SLC24A2: variants seen among roughly 807,000 people sequenced by gnomAD.
SLC24A2 encodes the protein solute carrier family 24 member 2.
In SLC24A2, 36 loss-of-function variants were observed where a neutral mutation model predicts 62.0. The ratio of observed to expected loss-of-function variants is 0.58; its 90% confidence interval spans 0.44 to 0.77. The LOEUF is 0.77. Ranked by LOEUF, SLC24A2 falls within the 30% of genes least tolerant of loss-of-function variation. The probability of loss-of-function intolerance (pLI) is 0.00; values close to 1 mark genes in which losing one functional copy is unlikely to be tolerated. For synonymous variants in SLC24A2, 358 were observed against 294.0 expected (o/e 1.22, Z -2.23); for missense variants, 846 against 817.9 (o/e 1.03, Z -0.42).
chr9:19,837,787 G>C, the SLC24A2 span, among the ~76,000 whole-genome samples: 1 of 151,894 alleles, frequency 6.6e-6, no homozygotes, highest in Admixed American at 6.6e-5. Flanking sequence ...GACAAACAGA[G>C]AGCCAAATCA....
chr9:20,057,606 C>T, the SLC24A2 span, among the ~76,000 whole-genome samples: 3 of 152,214 alleles, frequency 2.0e-5, no homozygotes, highest in Middle Eastern at 3.4e-3. Context: ...CCTATCAAGC[C>T]GTTGGATGGA....
chr9:20,239,623 C>T, the SLC24A2 span, among the ~76,000 whole-genome samples: 1 of 152,298 alleles, frequency 6.6e-6, no homozygotes, highest in Non-Finnish European at 1.5e-5. Flanking sequence ...GAAAGGAGTA[C>T]ATGAGAAGAG....
Position 19,550,324 on chromosome 9 carries a change from CACA to C in SLC24A2, c.1348-59_1348-57del, listed in dbSNP as rs1307679686. 7.0e-6 allele frequency: 11 copies of C among 1,570,200 alleles called. No homozygotes were observed. In the African/African-American group the frequency reaches 1.1e-4, roughly 15 times the overall value. ...AACAAAAAAATAAAATGTACACAGG[CACA>C]ACAACAGGAGCACAGAACAAAGGGG... On this transcript the variant is annotated intron_variant, in intron 7 of 10. Transcript: ENST00000341998.
chr9:19,767,717 G>C (rs1184175466), intron 2 of SLC24A2, among the ~76,000 whole-genome samples: 1 of 152,310 alleles, frequency 6.6e-6, no homozygotes, highest in Middle Eastern at 3.4e-3. Context: ...TGGTCTTGCT[G>C]GGAACTGCAG....
intron 2 of SLC24A2, among the ~76,000 whole-genome samples, chr9:19,739,286 T>G (rs1384517617): frequency 6.6e-6 from 1 of 152,236 alleles, no homozygotes; most frequent in Non-Finnish European, 1.5e-5. Context: ...ACTCATTAAA[T>G]TATAGTTGAA....
At chr9:20,016,730 C>T in the SLC24A2 span, among the ~76,000 whole-genome samples, 8 of 152,254 alleles carry the variant, frequency 5.3e-5, no homozygotes, top group East Asian at 7.7e-4. Flanking sequence ...TACAACTACA[C>T]ACACACACAA....
the SLC24A2 span, among the ~76,000 whole-genome samples, chr9:19,974,574 G>C: frequency 2.0e-5 from 3 of 152,142 alleles, no homozygotes; most frequent in Non-Finnish European, 2.9e-5. Flanking sequence ...ATCCTAGGGG[G>C]TCTGAAGACC....
At chr9:19,594,259 T>C (rs992677055) in intron 5 of SLC24A2, among the ~76,000 whole-genome samples, 3 of 152,120 alleles carry the variant, frequency 2.0e-5, no homozygotes, top group Non-Finnish European at 4.4e-5. Context: ...CCCCCCAGTC[T>C]GTAAATTCCA....
chr9:20,007,955 G>T, the SLC24A2 span, among the ~76,000 whole-genome samples: 3 of 127,660 alleles, frequency 2.3e-5, no homozygotes, highest in Admixed American at 2.9e-4. Context: ...GAGTGAAGTG[G>T]CATGATCTCG....
chr9:20,101,977 G>T, the SLC24A2 span, among the ~76,000 whole-genome samples: 1 of 152,094 alleles, frequency 6.6e-6, no homozygotes, highest in Admixed American at 6.5e-5. Flanking sequence ...CTCTTTCAGT[G>T]TTCCTAGGAG....
chr9:20,188,923 A>G, the SLC24A2 span, among the ~76,000 whole-genome samples: 1 of 152,208 alleles, frequency 6.6e-6, no homozygotes, highest in Non-Finnish European at 1.5e-5. Flanking sequence ...TTGTTACAGC[A>G]GCATTGGGAA....
At chr9:19,896,018 G>T in the SLC24A2 span, 28 of 1,471,920 alleles carry the variant, frequency 1.9e-5, no homozygotes, top group East Asian at 6.5e-4. Context: ...CAGGGTCGTG[G>T]GAAGCCACAG....
At chr9:19,778,529 T>A (rs1201199476) in intron 2 of SLC24A2, among the ~76,000 whole-genome samples, 1 of 152,190 alleles carries the variant, frequency 6.6e-6, no homozygotes, top group East Asian at 1.9e-4. Flanking sequence ...TTTTTAGTGC[T>A]GCTGAAAGTT....
At chr9:20,054,311 C>A in the SLC24A2 span, among the ~76,000 whole-genome samples, 1 of 152,096 alleles carries the variant, frequency 6.6e-6, no homozygotes, top group African/African-American at 2.4e-5. Context: ...CCTGTCTCAG[C>A]CTCCCAAGTA....
At chr9:19,867,866 C>T in the SLC24A2 span, among the ~76,000 whole-genome samples, 1 of 152,106 alleles carries the variant, frequency 6.6e-6, no homozygotes, top group African/African-American at 2.4e-5. Context: ...CAAGATTGCC[C>T]CACTGCCCTC....
At chr9:20,027,275 A>G in the SLC24A2 span, among the ~76,000 whole-genome samples, 6 of 152,182 alleles carry the variant, frequency 3.9e-5, no homozygotes, top group Non-Finnish European at 5.9e-5. Flanking sequence ...GAACTACCAT[A>G]TGATCCAGCA....
At chr9:19,719,485 A>G (rs1416162143) in intron 2 of SLC24A2, among the ~76,000 whole-genome samples, 2 of 149,776 alleles carry the variant, frequency 1.3e-5, no homozygotes, top group African/African-American at 5.1e-5. Flanking sequence ...TTTGTTGTAC[A>G]GAGTGAGAGC....
chr9:19,597,243 G>C lies in SLC24A2; in HGVS notation c.1115C>G (p.Thr372Arg), dbSNP rs1836727311. ...GSYGKLKYYD[T>R]MTEEGRFREK... ...ATCATTCTTACCTTCTTCAGTCATT[G>C]TGTCATAATATTTTAGTTTTCCATA... The change falls in exon 5 of 11, where the codon ACA (threonine) becomes AGA (arginine). Residue 372 changes from threonine (T) to arginine (R), a missense_variant. Transcript: ENST00000341998. 6.3e-7 allele frequency: 1 copy of C among 1,586,094 alleles called. No homozygotes were observed. Among genetic ancestry groups the C allele is most frequent in the South Asian group, 1.1e-5 (1 of 90,480 alleles).
At chr9:20,103,150 C>T in the SLC24A2 span, among the ~76,000 whole-genome samples, 2 of 152,224 alleles carry the variant, frequency 1.3e-5, no homozygotes, top group African/African-American at 4.8e-5. Flanking sequence ...GAGGGAGGGG[C>T]ACCCACCATT....
Sources: gnomAD v4.1 joint callset for allele counts (sites outside exome capture counted in the v4.1 genomes callset) on GRCh38, gnomAD v4.1.1 for gene constraint, MANE v1.5 for transcripts, NCBI Gene and HGNC (gene_info 2026-07-23, HGNC 2026-07-21) for gene names.